LARGE1: variants seen among roughly 807,000 people sequenced by gnomAD.
LARGE1 encodes the protein LARGE xylosyl- and glucuronyltransferase 1.
A neutral mutation model predicts 87.6 loss-of-function variants in LARGE1; 43 were observed. The ratio of observed to expected loss-of-function variants is 0.49; its 90% CI spans 0.38 to 0.63. The LOEUF is 0.63. Ranked by LOEUF, LARGE1 falls within the 30% of genes least tolerant of loss-of-function variation. The pLI, the probability that LARGE1 is intolerant of heterozygous loss-of-function variation, is 0.00. For missense variants in LARGE1, 802 were observed against 1,000.2 expected, an observed-to-expected ratio of 0.80 and a Z score of 2.67; for synonymous variants, 434 against 394.6, an observed-to-expected ratio of 1.10 and a Z score of -1.18.
At chr22:33,462,508 C>A (rs923358528) in intron 6 of LARGE1, among the ~76,000 whole-genome samples, 2 of 152,098 alleles carry the variant, frequency 1.3e-5, no homozygotes, top group Non-Finnish European at 2.9e-5. Context: ...TGAGGCTGGG[C>A]GTGGTGGCTC....
intron 5 of LARGE1, among the ~76,000 whole-genome samples, chr22:33,593,190 G>C (rs1003762928): frequency 2.7e-5 from 4 of 150,848 alleles, no homozygotes; most frequent in Non-Finnish European, 2.9e-5. Flanking sequence ...TTTGAGACCA[G>C]GTTATGAGAC....
At chr22:33,290,225 A>G (rs1932285350) in intron 12 of LARGE1, among the ~76,000 whole-genome samples, 1 of 152,040 alleles carries the variant, frequency 6.6e-6, no homozygotes, top group Non-Finnish European at 1.5e-5. Flanking sequence ...AGGTCCCTGT[A>G]ACCAGGGAAA....
At chr22:33,795,100 T>C (rs2085939550) in intron 1 of LARGE1, among the ~76,000 whole-genome samples, 1 of 152,192 alleles carries the variant, frequency 6.6e-6, no homozygotes, top group Non-Finnish European at 1.5e-5. Context: ...GAACTAGTCT[T>C]TAAAGAGGTT....
At chr22:33,875,082 C>T (rs564866983) in intron 1 of LARGE1, among the ~76,000 whole-genome samples, 1 of 152,338 alleles carries the variant, frequency 6.6e-6, no homozygotes, top group East Asian at 1.9e-4. Flanking sequence ...ATTAGCTGCT[C>T]AACAACTCAC....
At chr22:33,734,693 C>T (rs1162845163) in intron 2 of LARGE1, among the ~76,000 whole-genome samples, 2 of 152,048 alleles carry the variant, frequency 1.3e-5, no homozygotes, top group Admixed American at 1.3e-4. Flanking sequence ...GCTTCTCTTT[C>T]CTAATAATCC....
intron 7 of LARGE1, among the ~76,000 whole-genome samples, chr22:33,410,241 T>G (rs932428647): frequency 6.6e-6 from 1 of 152,144 alleles, no homozygotes; most frequent in African/African-American, 2.4e-5. Flanking sequence ...CAGCACGACG[T>G]TGTTATGACG....
intron 4 of LARGE1, among the ~76,000 whole-genome samples, chr22:33,606,480 G>T (rs192394991): frequency 2.0e-5 from 3 of 151,288 alleles, no homozygotes; most frequent in East Asian, 1.9e-4. Context: ...AGGGAGGTGT[G>T]GGGGGCAGGA....
chr22:33,085,341 T>C, the LARGE1 span, among the ~76,000 whole-genome samples: 4 of 152,212 alleles, frequency 2.6e-5, no homozygotes, highest in Admixed American at 6.5e-5. Flanking sequence ...ACTTAAAAGT[T>C]TTCTAAAAAC....
intron 2 of LARGE1, among the ~76,000 whole-genome samples, chr22:33,679,858 A>G (rs1466383595): frequency 6.6e-6 from 1 of 152,140 alleles, no homozygotes; most frequent in African/African-American, 2.4e-5. Flanking sequence ...ACAAACAAAC[A>G]AACAAAAGAA....
intron 11 of LARGE1, among the ~76,000 whole-genome samples, chr22:33,266,797 C>T (rs1255805977): frequency 6.6e-6 from 1 of 151,512 alleles, no homozygotes; most frequent in Non-Finnish European, 1.5e-5. Context: ...TCCATGCTCC[C>T]TGTCCTTATA....
intron 11 of LARGE1, among the ~76,000 whole-genome samples, chr22:33,262,529 T>G (rs1490505397): frequency 6.6e-6 from 1 of 152,128 alleles, no homozygotes; most frequent in African/African-American, 2.4e-5. Context: ...TGCCTCCTCA[T>G]GAACTGTTTC....
At chr22:33,370,992 A>C (rs1294296259) in intron 9 of LARGE1, among the ~76,000 whole-genome samples, 2 of 150,556 alleles carry the variant, frequency 1.3e-5, no homozygotes, top group Non-Finnish European at 3.0e-5. Context: ...AAATCTAAGA[A>C]ATGTAAAATA....
chr22:33,920,482 G>T (rs1205455555), upstream of LARGE1: 1 of 146,216 alleles, frequency 6.8e-6, no homozygotes, highest in African/African-American at 2.4e-5. Flanking sequence ...AGACTGGCCG[G>T]GCCGGGCGCC....
chr22:33,707,181 G>A (rs747654998), intron 2 of LARGE1, among the ~76,000 whole-genome samples: 1 of 152,164 alleles, frequency 6.6e-6, no homozygotes, highest in Non-Finnish European at 1.5e-5. Context: ...GGGAAAACAT[G>A]CTGGCTTCCC....
At chr22:33,216,346 G>A (rs1242792455) in intron 11 of LARGE1, among the ~76,000 whole-genome samples, 1 of 151,790 alleles carries the variant, frequency 6.6e-6, no homozygotes, top group African/African-American at 2.4e-5. Flanking sequence ...AGGGCTTGGG[G>A]GGCTGGGCGT....
chr22:33,745,919 G>A (rs955376053), intron 2 of LARGE1, among the ~76,000 whole-genome samples: 5 of 151,978 alleles, frequency 3.3e-5, no homozygotes, highest in African/African-American at 4.8e-5. Context: ...AGGAGGGAGC[G>A]ACCTTACATA....
the LARGE1 span, among the ~76,000 whole-genome samples, chr22:33,083,603 TATATA>T: frequency 2.0e-5 from 3 of 152,184 alleles, no homozygotes; most frequent in African/African-American, 7.2e-5. Context: ...CATGAAAAAA[TATATA>T]ATATATCAGA....
chr22:33,513,015 GGAGGT>G (rs1306361991), intron 6 of LARGE1, among the ~76,000 whole-genome samples: 1 of 151,936 alleles, frequency 6.6e-6, no homozygotes, highest in Non-Finnish European at 1.5e-5. Context: ...TTATGCAAAA[GGAGGT>G]GCCTAATGCC....
At chr22:33,911,696 T>C (rs961426425) in intron 1 of LARGE1, among the ~76,000 whole-genome samples, 7 of 152,194 alleles carry the variant, frequency 4.6e-5, no homozygotes, top group African/African-American at 1.7e-4. Context: ...TCCAGATAAG[T>C]TAAAATCCCT....
Sources: gnomAD v4.1 joint callset for allele counts (sites outside exome capture counted in the v4.1 genomes callset) on GRCh38, gnomAD v4.1.1 for gene constraint, MANE v1.5 for transcripts, NCBI Gene and HGNC (gene_info 2026-07-23, HGNC 2026-07-21) for gene names.